Variants in RARB observed in about 807,000 individuals in gnomAD.
RARB encodes retinoic acid receptor beta.
RARB carries 17 observed loss-of-function variants against 51.9 expected under a neutral mutation model. The observed-to-expected ratio is 0.33, with a 90% CI of 0.22 to 0.49. RARB has a LOEUF of 0.49. Ranked by LOEUF, RARB falls within the 20% of genes least tolerant of loss-of-function variation. RARB has a pLI of 0.99. For synonymous variants in RARB, 215 were observed against 195.4 expected, an observed-to-expected ratio of 1.10 and a Z score of -0.84; for missense variants, 369 against 550.8, an observed-to-expected ratio of 0.67 and a Z score of 3.30.
chr3:25,270,890 G>C (rs79376772), intron 5 of RARB, among the ~76,000 whole-genome samples: 1 of 152,106 alleles, frequency 6.6e-6, no homozygotes, highest in African/African-American at 2.4e-5. Flanking sequence ...AAATACTTTC[G>C]CCCCAATCTA....
intron 3 of RARB, among the ~76,000 whole-genome samples, chr3:25,553,373 G>C (rs1368446908): frequency 6.6e-6 from 1 of 152,096 alleles, no homozygotes; most frequent in Non-Finnish European, 1.5e-5. Context: ...AGAACTCTAG[G>C]AATCTTTAAG....
chr3:25,428,834 G>C lies in RARB; in HGVS notation c.103G>C (p.Ala35Pro). ...CATGCTCCAGGAGAAAGCTCTCAAA[G>C]CATGCTTCAGTGGATTGACCCAAAC... is the stretch of plus-strand genomic sequence containing the variant. ...SCMLQEKALK[A>P]CFSGLTQTEW... The change falls in exon 1 of 8, where the codon GCA becomes CCA. Residue 35 changes from alanine (A) to proline (P), a missense_variant. Around this residue, in one of 9 missense-constraint regions of RARB, gnomAD observed 99 missense variants for 95.1 expected, o/e 1.04. Coordinates refer to ENST00000330688, the MANE Select transcript of RARB (RefSeq NM_000965.5). 6.2e-7 allele frequency: 1 copy of C among 1,614,058 alleles called. No homozygotes were observed. The highest frequency in any genetic ancestry group is 8.5e-7 in the Non-Finnish European group (1 of 1,180,000).
intron 3 of RARB, among the ~76,000 whole-genome samples, chr3:25,554,546 A>C (rs1699977801): frequency 6.6e-6 from 1 of 152,100 alleles, no homozygotes; most frequent in African/African-American, 2.4e-5. Context: ...CAACATTTCT[A>C]TCTGGCCTAT....
At chr3:25,495,903 T>A (rs1697002269) in intron 2 of RARB, among the ~76,000 whole-genome samples, 1 of 152,132 alleles carries the variant, frequency 6.6e-6, no homozygotes, top group African/African-American at 2.4e-5. Flanking sequence ...ACCAACAGAA[T>A]TCGTGATTAG....
chr3:25,107,177 A>G (rs1159181641), intron 3 of RARB, among the ~76,000 whole-genome samples: 3 of 152,196 alleles, frequency 2.0e-5, no homozygotes, highest in Non-Finnish European at 4.4e-5. Context: ...CTGGGATTAC[A>G]GGCATTAGCC....
At chr3:25,411,558 A>C (rs1472813253) in intron 5 of RARB, among the ~76,000 whole-genome samples, 4 of 152,212 alleles carry the variant, frequency 2.6e-5, no homozygotes, top group African/African-American at 9.6e-5. Flanking sequence ...TCCTCACTGC[A>C]CAGAACAGCT....
chr3:25,009,610 G>T (rs996692245), intron 2 of RARB, among the ~76,000 whole-genome samples: 13 of 151,990 alleles, frequency 8.6e-5, no homozygotes, highest in Non-Finnish European at 1.5e-4. Flanking sequence ...GCTTTCCCTT[G>T]TGTTGCTGGC....
At chr3:25,190,967 C>A (rs1701089320) in intron 5 of RARB, among the ~76,000 whole-genome samples, 1 of 151,820 alleles carries the variant, frequency 6.6e-6, no homozygotes, top group Non-Finnish European at 1.5e-5. Flanking sequence ...TTGCATGGAT[C>A]TGTGTTGGGG....
chr3:25,594,838 TA>T lies in RARB; in HGVS notation c.1150+176del, dbSNP rs3836380. 0.23 allele frequency among the ~76,000 whole-genome samples: 29,439 copies of T among 130,754 alleles called. 2,820 individuals carry two copies. Among genetic ancestry groups the T allele is most frequent in the Admixed American group, 0.23 (3,022 of 12,984 alleles). 85.8% of individuals were successfully genotyped at this position (130,754 alleles called of 152,430 possible). Reference sequence around the variant, plus strand: ...AAGGAAATACTATCCCTCCCCCCTCTAAAAAAAAAAAAAAAACACCTCAAAT... The same window carrying T: ...AAGGAAATACTATCCCTCCCCCCTCTAAAAAAAAAAAAAAACACCTCAAAT... On this transcript the variant is annotated intron_variant, in intron 7 of 7. Transcript: ENST00000330688.
rs549790385 is a variant in RARB at position 25,073,277 on chromosome 3, C to A, written c.-328+13101C>A. 9.9e-5 allele frequency among the ~76,000 whole-genome samples: 15 copies of A among 152,282 alleles called. No individual in the cohort carries two copies. In the East Asian group the frequency reaches 2.5e-3, roughly 25 times the overall value. ...GTGTGAAAGTGCAGTTCCGGTGTTC[C>A]CACACTGACCTTGCTGACATTTCTC... is the stretch of plus-strand genomic sequence containing the variant. On this transcript the variant is annotated intron_variant, in intron 3 of 11. Transcript: ENST00000383772.
intron 2 of RARB, among the ~76,000 whole-genome samples, chr3:24,937,739 G>A (rs1181424125): frequency 1.3e-5 from 2 of 152,132 alleles, no homozygotes; most frequent in Admixed American, 6.5e-5. Flanking sequence ...GAGGACACAC[G>A]CTGGCAGGTG....
At chr3:25,285,937 C>T (rs1160480273) in intron 5 of RARB, among the ~76,000 whole-genome samples, 1 of 152,094 alleles carries the variant, frequency 6.6e-6, no homozygotes, top group Non-Finnish European at 1.5e-5. Context: ...CAAGGGTGTA[C>T]ACATAAACAC....
At chr3:25,503,103 C>G (rs1360486498) in intron 3 of RARB, among the ~76,000 whole-genome samples, 1 of 102,362 alleles carries the variant, frequency 9.8e-6, no homozygotes, top group Non-Finnish European at 1.7e-5. Context: ...TCATGGGTCA[C>G]TTTTCATCCA....
intron 5 of RARB, among the ~76,000 whole-genome samples, chr3:25,216,411 A>T (rs542086036): frequency 6.6e-6 from 1 of 152,352 alleles, no homozygotes; most frequent in Non-Finnish European, 1.5e-5. Context: ...AGCCATAAAA[A>T]GGAATGAGTT....
chr3:25,431,057 G>C (rs1708187999), intron 1 of RARB, among the ~76,000 whole-genome samples: 2 of 147,138 alleles, frequency 1.4e-5, no homozygotes, highest in Admixed American at 6.9e-5. Flanking sequence ...GTTCAGGGTG[G>C]TACAGCTAGT....
intron 2 of RARB, among the ~76,000 whole-genome samples, chr3:24,987,966 A>AT (rs61104981): frequency 2.4e-4 from 36 of 150,318 alleles, no homozygotes; most frequent in Middle Eastern, 3.2e-3. Context: ...CTTTCATTCC[A>AT]TTTTTTTTTT....
At chr3:25,131,932 G>C (rs1699959899) in intron 3 of RARB, among the ~76,000 whole-genome samples, 1 of 151,962 alleles carries the variant, frequency 6.6e-6, no homozygotes. Flanking sequence ...AGAATAAAAG[G>C]GATCAGGGGT....
At chr3:25,259,496 C>T (rs1702946194) in intron 5 of RARB, among the ~76,000 whole-genome samples, 1 of 152,088 alleles carries the variant, frequency 6.6e-6, no homozygotes, top group African/African-American at 2.4e-5. Context: ...ATGTCAATGT[C>T]CAAGGTAACC....
intron 5 of RARB, among the ~76,000 whole-genome samples, chr3:25,191,539 C>A (rs529288625): frequency 2.4e-3 from 366 of 152,194 alleles, no homozygotes; most frequent in African/African-American, 8.5e-3. Context: ...AAATGGACAG[C>A]TATGAATTTT....
Sources: gnomAD v4.1 joint callset for allele counts (sites outside exome capture counted in the v4.1 genomes callset) on GRCh38, gnomAD v4.1.1 for gene constraint, gnomAD v4.1.1 regional missense constraint, MANE v1.5 for transcripts, NCBI Gene and HGNC (gene_info 2026-07-23, HGNC 2026-07-21) for gene names.